IPO13: variants seen among roughly 807,000 people sequenced by gnomAD.
IPO13 encodes importin-13.
A neutral mutation model predicts 115.5 loss-of-function variants in IPO13; 28 were observed. That is an observed-to-expected ratio of 0.24 (90% CI 0.18 to 0.33). IPO13 has a LOEUF of 0.33. IPO13 is among the 10% of genes least tolerant of loss of function. The pLI is 1.00. For synonymous variants in IPO13, 414 were observed against 478.9 expected, an observed-to-expected ratio of 0.86 and a Z score of 1.77; for missense variants, 785 against 1,204.6, an observed-to-expected ratio of 0.65 and a Z score of 5.16.
In IPO13 at chr1:43,950,069, C is replaced by G; in HGVS notation, c.737C>G (p.Ala246Gly). The G allele has an allele frequency of 6.2e-7, 1 of 1,613,860 alleles. No homozygotes were observed. ...GACTGTGAGGCGCTCATTCAGGCTG[C>G]CTTTGCTGCTCTGCAGGACTCGGAG... ...LQDCEALIQA[A>G]FAALQDSELF... Residue 246 changes from alanine (A) to glycine (G), a missense_variant, in exon 2 of 20, where the codon GCC becomes GGC. Physicochemically the swap from Ala to Gly is moderately conservative, Grantham distance 60. Transcript: ENST00000372343.
At chr1:43,954,083 G>A (rs72890620) in intron 2 of IPO13, among the ~76,000 whole-genome samples, 1,802 of 152,354 alleles carry the variant, frequency 0.012, 43 homozygotes, top group African/African-American at 0.042. Flanking sequence ...ACTTTGGCAG[G>A]TGGAGGAAGG....
intron 2 of IPO13, among the ~76,000 whole-genome samples, chr1:43,954,149 C>A (rs760627736): frequency 1.1e-4 from 16 of 152,220 alleles, no homozygotes; most frequent in Non-Finnish European, 2.4e-4. Context: ...CTGCACCCAT[C>A]TCAGCTGCTG....
chr1:43,959,621 T>C (rs918598417), intron 11 of IPO13, among the ~76,000 whole-genome samples: 1 of 152,216 alleles, frequency 6.6e-6, no homozygotes, highest in African/African-American at 2.4e-5. Flanking sequence ...CCCTCCCAGA[T>C]TTCTCCAGGA....
intron 2 of IPO13, among the ~76,000 whole-genome samples, chr1:43,954,634 G>T (rs1475471890): frequency 6.6e-6 from 1 of 152,190 alleles, no homozygotes. Context: ...GCTGGAGAGG[G>T]ATCCAGTGGG....
At chr1:43,962,407 A>G (rs968956800) in intron 14 of IPO13, among the ~76,000 whole-genome samples, 3 of 152,140 alleles carry the variant, frequency 2.0e-5, no homozygotes, top group Non-Finnish European at 4.4e-5. Flanking sequence ...TGTTCTGCAC[A>G]CTGCAGCTAT....
Position 43,964,309 on chromosome 1 carries a change from A to G in IPO13, c.2385A>G (p.Gln795=), listed in dbSNP as rs1350779016. ...DHPDIVDSFM[Q]LLAQALKRKP... Reference sequence around the variant, plus strand: ...CTGATATTGTTGATTCATTTATGCAACTCCTGGCACAGGTGTGTTTTAGTT... The same window carrying G: ...CTGATATTGTTGATTCATTTATGCAGCTCCTGGCACAGGTGTGTTTTAGTT... The change falls in exon 15 of 20, where the codon CAA becomes CAG. Residue 795 remains glutamine, a synonymous_variant. Transcript: ENST00000372343. The G allele has an allele frequency of 6.2e-7, 1 of 1,606,242 alleles. No individual in the cohort carries two copies. The highest frequency in any genetic ancestry group is 1.7e-5 in the Admixed American group (1 of 59,822).
At position 43,947,343 on chromosome 1, in the gene IPO13, G is replaced by T; in HGVS notation, c.-258G>T. On this transcript the variant is annotated 5_prime_UTR_variant, in exon 1 of 20. Coordinates refer to ENST00000372343, the MANE Select transcript of IPO13 (RefSeq NM_014652.4). Reference sequence around the variant, plus strand: ...GCTGTTACCTGCCACTAGGATCCCCGCCTGAGAGCTCCTCACTGACGGCTC... The same window carrying T: ...GCTGTTACCTGCCACTAGGATCCCCTCCTGAGAGCTCCTCACTGACGGCTC... The T allele has an allele frequency of 2.5e-6, 1 of 399,050 alleles. No homozygotes were observed. The allele number at this position is 399,050 out of a possible 1,614,324, so 24.7% of individuals were successfully genotyped here. A position where few individuals can be genotyped will look rare whatever the true frequency, so the allele number is the denominator to read the frequency against.
rs1372980449 is a variant in IPO13, at chr1:43,947,614, AGGAGCAGCCGGGGGCTGCAGGGGCT to A, written c.23_47del (p.Pro8HisfsTer34). Reference sequence around the variant, plus strand: ...GAGGGAGCAAAGATGGAGCGGCGGGAGGAGCAGCCGGGGGCTGCAGGGGCTGGAGCAGCACCAGCCTTGGACTTCA... The same window carrying A: ...GAGGGAGCAAAGATGGAGCGGCGGGAGGAGCAGCACCAGCCTTGGACTTCA... On this transcript the variant is annotated frameshift_variant, in exon 1 of 20. Transcript: ENST00000372343. LOFTEE classifies it high-confidence loss of function. 7.6e-7 allele frequency: 1 copy of A among 1,317,420 alleles called. No individual in the cohort carries two copies. The highest frequency in any genetic ancestry group is 1.5e-5 in the African/African-American group (1 of 65,278). The allele number at this position is 1,317,420 out of a possible 1,614,324, so 81.6% of individuals were successfully genotyped here.
intron 11 of IPO13, 103 bp from the exon 12 acceptor site, chr1:43,960,146 G>A: frequency 9.7e-7 from 1 of 1,027,236 alleles, no homozygotes; most frequent in South Asian, 1.3e-5. Flanking sequence ...GTGTTCTGGG[G>A]TAATAGGTCT....
At chr1:43,965,753 A>G (rs1392725323) in intron 15 of IPO13, among the ~76,000 whole-genome samples, 1 of 142,302 alleles carries the variant, frequency 7.0e-6, no homozygotes, top group Non-Finnish European at 1.5e-5. Context: ...GTGTTTGCAC[A>G]TGAGTAAACA....
Position 43,947,103 on chromosome 1 carries a change from C to A in IPO13, c.-498C>A, listed in dbSNP as rs2085171740. The A allele has an allele frequency of 5.0e-6, 2 of 398,882 alleles. No homozygotes were observed. Among genetic ancestry groups the A allele is most frequent in the South Asian group, 2.5e-4 (2 of 7,880 alleles). 24.7% of individuals were successfully genotyped at this position (398,882 alleles called of 1,614,324 possible). On this transcript the variant is annotated 5_prime_UTR_variant, in exon 1 of 20. Coordinates refer to ENST00000372343, the MANE Select transcript of IPO13 (RefSeq NM_014652.4). ...CCCTAGACTAGCGGAGCTGCATCTCCGCGCTTCGTTGGACGCCTCCGTAAC... is the reference window on the plus strand; with the variant it reads ...CCCTAGACTAGCGGAGCTGCATCTCAGCGCTTCGTTGGACGCCTCCGTAAC...
intron 1 of IPO13, 27 bp from the exon 2 acceptor site, chr1:43,949,390 C>T: frequency 6.4e-7 from 1 of 1,555,934 alleles, no homozygotes; most frequent in Non-Finnish European, 8.7e-7. Context: ...GTGGCCAGCA[C>T]CTGCTCAGTC....
chr1:43,950,622 TAGGTTAA>T (rs1359131426), intron 2 of IPO13, among the ~76,000 whole-genome samples: 3 of 130,770 alleles, frequency 2.3e-5, no homozygotes, highest in Non-Finnish European at 4.8e-5. Context: ...TCAATGCTCT[TAGGTTAA>T]AGCTCAGAAT....
intron 13 of IPO13, 23 bp from the exon 14 acceptor site, chr1:43,961,143 C>A: frequency 6.2e-7 from 1 of 1,611,288 alleles, no homozygotes; most frequent in Non-Finnish European, 8.5e-7. Flanking sequence ...CTCAGCTGAC[C>A]AGCATTCCCT....
Position 43,967,790 on chromosome 1 carries a change from C to CAAAAAAAAAAA in IPO13, c.*108_*109insAAAAAAAAAAA. On this transcript the variant is annotated 3_prime_UTR_variant, in exon 20 of 20. Transcript: ENST00000372343. This position sits in a 1 kb window ranked among gnomAD's most constrained non-coding sequence, Gnocchi z 6.1. ...GCCTCCTTTCTGCTGTCACCACCAC[C>CAAAAAAAAAAA]TAACTGAAAGCCTGGGTCCAGAAGG... 1 of 1,063,988 alleles carries CAAAAAAAAAAA rather than the reference C, an allele frequency of 9.4e-7. No homozygotes were observed. The highest frequency in any genetic ancestry group is 1.4e-6 in the Non-Finnish European group (1 of 707,658). The allele number at this position is 1,063,988 out of a possible 1,614,324, so 65.9% of individuals were successfully genotyped here.
Position 43,947,096 on chromosome 1 carries a change from G to T in IPO13, c.-505G>T, listed in dbSNP as rs2085171700. The stretch of plus-strand genomic sequence containing the variant: ...CTCTTCGCCCTAGACTAGCGGAGCT[G>T]CATCTCCGCGCTTCGTTGGACGCCT... On this transcript the variant is annotated 5_prime_UTR_variant, in exon 1 of 20. Coordinates refer to ENST00000372343, the MANE Select transcript of IPO13 (RefSeq NM_014652.4). 2.5e-6 allele frequency: 1 copy of T among 398,968 alleles called. No homozygotes were observed. 24.7% of individuals were successfully genotyped at this position (398,968 alleles called of 1,614,324 possible). A position where few individuals can be genotyped will look rare whatever the true frequency, so the allele number is the denominator to read the frequency against.
intron 2 of IPO13, 85 bp downstream of exon 2, chr1:43,950,238 G>A: frequency 6.9e-7 from 1 of 1,440,796 alleles, no homozygotes; most frequent in Non-Finnish European, 9.3e-7. Context: ...AACATTAATT[G>A]AATGTGTACT....
chr1:43,963,939 G>GT (rs1378872760), intron 14 of IPO13, among the ~76,000 whole-genome samples: 10 of 152,218 alleles, frequency 6.6e-5, no homozygotes, highest in Admixed American at 6.5e-4. Flanking sequence ...AGAGGCCACA[G>GT]TAAGTGTGGT....
rs1298362648 is a variant in IPO13, at chr1:43,961,330, C to T, written c.2344+68C>T. ...TGCCTCTGCTTCCCCAAATGGGGAG[C>T]CAAAGCTGCCCACTCTGTTCTTCTC... On this transcript the variant is annotated intron_variant, in intron 14 of 19. Transcript: ENST00000372343. 4.5e-5 allele frequency: 56 copies of T among 1,237,252 alleles called. No homozygotes were observed. The Admixed American group carries it at 9.2e-4, about 20-fold the overall frequency. The allele number at this position is 1,237,252 out of a possible 1,614,324, so 76.6% of individuals were successfully genotyped here. A position where few individuals can be genotyped will look rare whatever the true frequency, so the allele number is the denominator to read the frequency against.
Sources: gnomAD v4.1 joint callset for allele counts (sites outside exome capture counted in the v4.1 genomes callset) on GRCh38, gnomAD v4.1.1 for gene constraint, Gnocchi (gnomAD v3.1) non-coding constraint, MANE v1.5 for transcripts, NCBI Gene and HGNC (gene_info 2026-07-23, HGNC 2026-07-21) for gene names.